TPST2: variants seen among roughly 807,000 people sequenced by gnomAD.
TPST2 encodes protein-tyrosine sulfotransferase 2.
A neutral mutation model predicts 27.8 loss-of-function variants in TPST2; 16 were observed. That is an observed-to-expected ratio of 0.58 (90% CI 0.39 to 0.88). The LOEUF is 0.88. Ranked by LOEUF, TPST2 falls within the 40% of genes least tolerant of loss-of-function variation. The pLI, the probability that TPST2 is intolerant of heterozygous loss-of-function variation, is 0.00. For synonymous variants in TPST2, 229 were observed against 231.7 expected, an observed-to-expected ratio of 0.99 and a Z score of 0.10; for missense variants, 464 against 543.1, an observed-to-expected ratio of 0.85 and a Z score of 1.45.
intron 1 of TPST2, among the ~76,000 whole-genome samples, chr22:26,571,055 G>C (rs1466748247): frequency 6.6e-6 from 1 of 152,186 alleles, no homozygotes; most frequent in Non-Finnish European, 1.5e-5. Flanking sequence ...ACGGAAGTCA[G>C]GCTATGGCCC....
At chr22:26,567,073 T>C (rs1340191514) in intron 1 of TPST2, among the ~76,000 whole-genome samples, 1 of 152,102 alleles carries the variant, frequency 6.6e-6, no homozygotes, top group South Asian at 2.1e-4. Flanking sequence ...GGTGCAGTCA[T>C]CCCCATCAAG....
chr22:26,561,192 T>C, intron 1 of TPST2: 1 of 1,565,852 alleles, frequency 6.4e-7, no homozygotes, highest in South Asian at 1.2e-5. Context: ...TTTTTTCTTG[T>C]CTATAAAGCA....
At chr22:26,552,456 T>C (rs572892301) in intron 1 of TPST2, among the ~76,000 whole-genome samples, 11 of 152,200 alleles carry the variant, frequency 7.2e-5, no homozygotes, top group Non-Finnish European at 1.0e-4. Flanking sequence ...CAGATGGTAA[T>C]TGGTTGAGCC....
At chr22:26,526,788 G>A (rs942222706) in intron 6 of TPST2, among the ~76,000 whole-genome samples, 1 of 152,194 alleles carries the variant, frequency 6.6e-6, no homozygotes, top group Admixed American at 6.5e-5. Flanking sequence ...ATAGAACTAT[G>A]GGATCTTGGG....
At chr22:26,555,010 G>A (rs1926712121) in intron 1 of TPST2, among the ~76,000 whole-genome samples, 1 of 152,206 alleles carries the variant, frequency 6.6e-6, no homozygotes, top group African/African-American at 2.4e-5. Context: ...CTTCCCTTTA[G>A]GGTAGTGGTT....
Position 26,537,442 on chromosome 22 carries a change from G to A in TPST2, c.843-956C>T, listed in dbSNP as rs142668741. 1.7e-3 allele frequency among the ~76,000 whole-genome samples: 254 copies of A among 152,298 alleles called. 2 individuals carry two copies. Among genetic ancestry groups the A allele is most frequent in the Non-Finnish European group, 2.1e-3 (144 of 68,026 alleles). ...ATACAAAGAAAGTGCTTAGAAGAGC[G>A]TAGGCACATTGTAAGTTTTTTCTTT... On this transcript the variant is annotated intron_variant, in intron 3 of 6. Coordinates refer to ENST00000338754, the MANE Select transcript of TPST2 (RefSeq NM_003595.5).
chr22:26,534,010 A>G (rs1329681012), intron 4 of TPST2, among the ~76,000 whole-genome samples: 1 of 152,220 alleles, frequency 6.6e-6, no homozygotes, highest in African/African-American at 2.4e-5. Flanking sequence ...TGTAATTTAT[A>G]TAAAAGTGAC....
chr22:26,529,643 A>G (rs1054911679), intron 5 of TPST2, among the ~76,000 whole-genome samples: 1 of 152,230 alleles, frequency 6.6e-6, no homozygotes, highest in Non-Finnish European at 1.5e-5. Flanking sequence ...GGAGGGTGTC[A>G]TGCCGGGAAA....
chr22:26,525,077 A>G lies in TPST2; in HGVS notation c.*1198T>C, dbSNP rs902579014. On this transcript the variant is annotated 3_prime_UTR_variant, in exon 7 of 7. Coordinates refer to ENST00000338754, the MANE Select transcript of TPST2 (RefSeq NM_003595.5). ...ACATGCAATAAAAACCTAGACCCCA[A>G]GGCTAGGGTGAGCTTTCTGGCTGGT... 3 of 152,232 alleles carry G rather than the reference A, an allele frequency of 2.0e-5. No homozygotes were observed. The highest frequency in any genetic ancestry group is 7.2e-5 in the African/African-American group (3 of 41,454). The allele number at this position is 152,232 out of a possible 1,614,324, so 9.4% of individuals were successfully genotyped here.
chr22:26,586,144 A>G (rs865832546), intron 1 of TPST2, among the ~76,000 whole-genome samples: 3 of 152,192 alleles, frequency 2.0e-5, no homozygotes, highest in Non-Finnish European at 2.9e-5. Flanking sequence ...CCCATTCCTC[A>G]GTAGGGTACA....
chr22:26,540,649 GA>G, intron 3 of TPST2, 139 bp downstream of exon 3: 1 of 695,000 alleles, frequency 1.4e-6, no homozygotes, highest in Non-Finnish European at 2.3e-6. Context: ...CATTTTTTGG[GA>G]TAATGAAACG....
At chr22:26,547,851 A>G (rs556561224) in intron 1 of TPST2, among the ~76,000 whole-genome samples, 4 of 152,282 alleles carry the variant, frequency 2.6e-5, no homozygotes, top group African/African-American at 9.6e-5. Context: ...CAGGGGTGGT[A>G]CTCGGGTGGT....
At position 26,522,998 on chromosome 22, in the gene TPST2, T is replaced by C. The variant is rs1440275408; in HGVS notation, c.*3277A>G. ...ACTGCTTGAGCCCAGGAGTTAGAGG[T>C]TGCAGTGAGCTGTGTTTGCAGGAGT... is the stretch of plus-strand genomic sequence containing the variant. On this transcript the variant is annotated 3_prime_UTR_variant, in exon 7 of 7. Coordinates refer to ENST00000338754, the MANE Select transcript of TPST2 (RefSeq NM_003595.5). 6.6e-6 allele frequency: 1 copy of C among 151,888 alleles called. No homozygotes were observed. The highest frequency in any genetic ancestry group is 1.5e-5 in the Non-Finnish European group (1 of 68,076). 9.4% of individuals were successfully genotyped at this position (151,888 alleles called of 1,614,324 possible). A position where few individuals can be genotyped will look rare whatever the true frequency, so the allele number is the denominator to read the frequency against.
At chr22:26,577,848 G>T (rs1035897471) in intron 1 of TPST2, among the ~76,000 whole-genome samples, 3 of 151,496 alleles carry the variant, frequency 2.0e-5, no homozygotes, top group African/African-American at 7.3e-5. Flanking sequence ...TAGTAGAAAT[G>T]GGGTTTCACC....
intron 1 of TPST2, among the ~76,000 whole-genome samples, chr22:26,549,267 T>C (rs577402155): frequency 6.6e-6 from 1 of 152,300 alleles, no homozygotes; most frequent in East Asian, 1.9e-4. Flanking sequence ...ATGGAGTGAT[T>C]AGCAGAAGCC....
At chr22:26,555,417 C>T in intron 1 of TPST2, 2 of 362,578 alleles carry the variant, frequency 5.5e-6, no homozygotes, top group South Asian at 4.1e-5. Context: ...CTTGGTGTGG[C>T]CACTCACCAG....
chr22:26,577,140 G>C (rs1927875470), intron 1 of TPST2, among the ~76,000 whole-genome samples: 1 of 151,102 alleles, frequency 6.6e-6, no homozygotes, highest in Non-Finnish European at 1.5e-5. Context: ...AAGCGTGGTG[G>C]TGCATACTTG....
In TPST2 at chr22:26,575,966, A is replaced by G. The variant is rs544747399; in HGVS notation, c.-161+14087T>C. On this transcript the variant is annotated intron_variant, in intron 1 of 6. Coordinates refer to ENST00000338754, the MANE Select transcript of TPST2 (RefSeq NM_003595.5). Reference sequence around the variant, plus strand: ...AGCCGAGATCGTGCCACCGCACTCCAGCCTGGGTGACAGAGCGAGACTCCA... The same window carrying G: ...AGCCGAGATCGTGCCACCGCACTCCGGCCTGGGTGACAGAGCGAGACTCCA... 1.7e-4 allele frequency among the ~76,000 whole-genome samples: 26 copies of G among 152,242 alleles called. No individual in the cohort carries two copies. The South Asian group carries it at 4.4e-3, about 26-fold the overall frequency.
At chr22:26,589,424 G>C (rs1928468355) in intron 1 of TPST2, among the ~76,000 whole-genome samples, 2 of 151,980 alleles carry the variant, frequency 1.3e-5, no homozygotes, top group African/African-American at 4.8e-5. Flanking sequence ...CTCCCATCCA[G>C]CTCACACCGA....
Sources: gnomAD v4.1 joint callset for allele counts (sites outside exome capture counted in the v4.1 genomes callset) on GRCh38, gnomAD v4.1.1 for gene constraint, MANE v1.5 for transcripts, NCBI Gene and HGNC (gene_info 2026-07-23, HGNC 2026-07-21) for gene names.